ZNF839: variants seen among roughly 807,000 people sequenced by gnomAD.
ZNF839 encodes zinc finger protein 839, also known as renal carcinoma antigen NY-REN-50.
Under a neutral mutation model 56.4 loss-of-function variants are expected in ZNF839, and 38 were observed. The observed-to-expected ratio is 0.67, with a 90% CI of 0.52 to 0.88. ZNF839 has a LOEUF of 0.88. Ranked by LOEUF, ZNF839 falls within the 40% of genes least tolerant of loss-of-function variation. The pLI, the probability that ZNF839 is intolerant of heterozygous loss-of-function variation, is 0.00. For missense variants in ZNF839, 1,091 were observed against 1,177.6 expected, an observed-to-expected ratio of 0.93 and a Z score of 1.08; for synonymous variants, 486 against 493.5, an observed-to-expected ratio of 0.98 and a Z score of 0.20.
upstream of ZNF839, chr14:102,319,542 C>A: frequency 4.5e-6 from 2 of 448,044 alleles, no homozygotes; most frequent in African/African-American, 2.0e-5. This position sits in a 1 kb window ranked among gnomAD's most constrained non-coding sequence, Gnocchi z 4.5. Context: ...ACATCCGTGA[C>A]AGGCAATAAG....
Position 102,341,598 on chromosome 14 carries a change from CA to C in ZNF839, c.2204del (p.Gln735ArgfsTer7). The C allele has an allele frequency of 6.2e-7, 1 of 1,613,838 alleles. No individual in the cohort carries two copies. Among genetic ancestry groups the C allele is most frequent in the East Asian group, 2.2e-5 (1 of 44,882 alleles). On this transcript the variant is annotated frameshift_variant, in exon 8 of 8. Transcript: ENST00000442396. LOFTEE classifies it low-confidence loss of function (END_TRUNC). The stretch of plus-strand genomic sequence containing the variant: ...GAATGCTTTGGAACACTCTTCAGAC[CA>C]GGACACCTGGGACAGCCTGAGGAGC... Reference protein sequence around the residue: ...GENALEHSSDQDTWDSLRSPG... With the variant: ...GENALEHSSDXDTWDSLRSPG...
intron 7 of ZNF839, among the ~76,000 whole-genome samples, chr14:102,339,860 T>G (rs1886311314): frequency 6.6e-6 from 1 of 152,150 alleles, no homozygotes; most frequent in Admixed American, 6.5e-5. Context: ...TTGGCTTTCA[T>G]GAGACTTCGC....
intron 5 of ZNF839, among the ~76,000 whole-genome samples, 187 bp downstream of exon 5, chr14:102,336,025 A>G (rs2073999410): frequency 6.6e-6 from 1 of 152,158 alleles, no homozygotes; most frequent in Non-Finnish European, 1.5e-5. Flanking sequence ...CTAAAAATAC[A>G]AAAATTAGCT....
At chr14:102,338,762 TG>T (rs1567297027) in intron 5 of ZNF839, 53 bp from the exon 6 acceptor site, 1 of 1,608,238 alleles carries the variant, frequency 6.2e-7, no homozygotes, top group African/African-American at 1.3e-5. Context: ...AATGTGCTTC[TG>T]GGGGTGTGTG....
intron 1 of ZNF839, among the ~76,000 whole-genome samples, chr14:102,324,496 T>G (rs111731329): frequency 6.6e-6 from 1 of 151,892 alleles, no homozygotes. Context: ...TGAGCTGAGA[T>G]AGCGCCACTG....
intron 5 of ZNF839, chr14:102,336,648 G>A (rs1291868628): frequency 4.6e-6 from 2 of 435,994 alleles, no homozygotes; most frequent in South Asian, 3.4e-5. Context: ...ACTCAAAAAT[G>A]AAGATAAGCT....
At position 102,331,760 on chromosome 14, in the gene ZNF839, C is replaced by T. The variant is rs2073794779; in HGVS notation, c.1330C>T (p.Gln444Ter). Reference sequence around the variant, plus strand: ...TGCAGAGTCCCGCACAGCTGTCCTCCAGCAGAGAAGAGCTGCTCAGCTACC... The same window carrying T: ...TGCAGAGTCCCGCACAGCTGTCCTCTAGCAGAGAAGAGCTGCTCAGCTACC... ...TLAESRTAVL[Q>*]QRRAAQLPGG... Residue 444 changes from glutamine (Q) to a stop codon, truncating the protein, a stop_gained, in exon 3 of 8, where the codon CAG (glutamine) becomes TAG (stop). Transcript: ENST00000442396. LOFTEE classifies it high-confidence loss of function. The T allele has an allele frequency of 3.7e-6, 6 of 1,602,240 alleles. No individual in the cohort carries two copies. Among genetic ancestry groups the T allele is most frequent in the Non-Finnish European group, 4.3e-6 (5 of 1,174,510 alleles).
chr14:102,330,665 G>A (rs945454707), intron 2 of ZNF839, among the ~76,000 whole-genome samples: 1 of 151,294 alleles, frequency 6.6e-6, no homozygotes, highest in African/African-American at 2.4e-5. Context: ...CTTCAGGTGT[G>A]CACCATCACA....
intron 2 of ZNF839, among the ~76,000 whole-genome samples, chr14:102,329,725 GTA>G (rs60092565): frequency 0.059 from 8,578 of 145,216 alleles, 463 homozygotes; most frequent in African/African-American, 0.16. Context: ...GTGTGTGTGT[GTA>G]TGTGTGTGTG....
chr14:102,327,831 A>G (rs8010091), intron 2 of ZNF839, among the ~76,000 whole-genome samples: 16,513 of 152,114 alleles, frequency 0.11, 1,206 homozygotes, highest in African/African-American at 0.21. Context: ...ATGGGAATGC[A>G]TCCGTCAGCT....
Position 102,326,087 on chromosome 14 carries a change from A to T in ZNF839, c.391A>T (p.Ser131Cys). 1.2e-6 allele frequency: 2 copies of T among 1,613,948 alleles called. No homozygotes were observed. The highest frequency in any genetic ancestry group is 1.7e-6 in the Non-Finnish European group (2 of 1,179,854). ...AATCCAGCCCCAAACTGCAAGAAAG[A>T]GCCAGCTGCCCCGGGGGAATTCCTG... ...TTIQPQTARK[S>C]QLPRGNSCLV... The change falls in exon 2 of 8, where the codon AGC (serine) becomes TGC (cysteine). Residue 131 changes from serine to cysteine, a missense_variant. By Grantham distance (112) the Ser-to-Cys change is moderately radical. Around this residue, in one of 3 missense-constraint regions of ZNF839, gnomAD observed 614 missense variants for 629.2 expected, o/e 0.98. Coordinates refer to ENST00000442396, the MANE Select transcript of ZNF839 (RefSeq NM_018335.6). This position sits in a 1 kb window ranked among gnomAD's most constrained non-coding sequence, Gnocchi z 4.3.
In ZNF839 at chr14:102,319,926, C is replaced by T. The variant is rs1338023397; in HGVS notation, c.161C>T (p.Pro54Leu). The change falls in exon 1 of 8, where the codon CCG becomes CTG. Residue 54 changes from proline (P) to leucine (L), a missense_variant. Physicochemically the swap from Pro to Leu is moderately conservative, Grantham distance 98 (BLOSUM62 -3). Around this residue, in one of 3 missense-constraint regions of ZNF839, gnomAD observed 614 missense variants for 629.2 expected, o/e 0.98. Coordinates refer to ENST00000442396, the MANE Select transcript of ZNF839 (RefSeq NM_018335.6). The surrounding 1 kb of genome is among the most constrained non-coding windows in gnomAD (Gnocchi z 4.5). ...VLEQVTKAQPPPPPPPFVLRD... is the reference protein window; with the variant it reads ...VLEQVTKAQPLPPPPPFVLRD... ...GAGCAGGTGACGAAGGCGCAGCCGC[C>T]GCCGCCGCCGCCCCCCTTCGTGCTG... 7.4e-6 allele frequency: 9 copies of T among 1,208,472 alleles called. No individual in the cohort carries two copies. The highest frequency in any genetic ancestry group is 9.3e-6 in the Non-Finnish European group (9 of 967,270). 74.9% of individuals were successfully genotyped at this position (1,208,472 alleles called of 1,614,324 possible). A position where few individuals can be genotyped will look rare whatever the true frequency, so the allele number is the denominator to read the frequency against.
At chr14:102,336,289 T>C (rs72698587) in intron 5 of ZNF839, among the ~76,000 whole-genome samples, 2,782 of 152,182 alleles carry the variant, frequency 0.018, 51 homozygotes, top group South Asian at 0.075. Flanking sequence ...AAGTGAAAAT[T>C]TTTTTTTCTT....
chr14:102,319,693 C>A (rs1404886392), upstream of ZNF839: 3 of 1,217,928 alleles, frequency 2.5e-6, no homozygotes, highest in Non-Finnish European at 3.1e-6. This position sits in a 1 kb window ranked among gnomAD's most constrained non-coding sequence, Gnocchi z 4.5. Flanking sequence ...CGTAGCCCGC[C>A]CCTCTCCTAG....
At position 102,332,781 on chromosome 14, in the gene ZNF839, G is replaced by A. The variant is rs894621084; in HGVS notation, c.1416+935G>A. Among the ~76,000 whole-genome samples, 2 of 152,122 alleles carry A rather than the reference G, an allele frequency of 1.3e-5. No homozygotes were observed. The highest frequency in any genetic ancestry group is 4.8e-5 in the African/African-American group (2 of 41,450). ...AAAAATTAGCTGGGCATGGTGGCAG[G>A]CGCCTGTAATCCCAGCCACTTGGGA... On this transcript the variant is annotated intron_variant, in intron 3 of 7. Transcript: ENST00000442396. This position sits in a 1 kb window ranked among gnomAD's most constrained non-coding sequence, Gnocchi z 4.9.
intron 5 of ZNF839, among the ~76,000 whole-genome samples, chr14:102,336,187 A>C (rs1287415458): frequency 3.3e-5 from 5 of 151,190 alleles, no homozygotes; most frequent in Non-Finnish European, 7.4e-5. Flanking sequence ...AAAACAAAAC[A>C]AAACCAAAAA....
chr14:102,318,969 G>A (rs2072984041), upstream of ZNF839, among the ~76,000 whole-genome samples: 1 of 152,174 alleles, frequency 6.6e-6, no homozygotes, highest in African/African-American at 2.4e-5. Context: ...TGCTCTCCCT[G>A]GGGAAAGGAG....
intron 2 of ZNF839, among the ~76,000 whole-genome samples, chr14:102,328,302 C>T (rs1474974772): frequency 2.2e-5 from 3 of 134,566 alleles, no homozygotes; most frequent in Non-Finnish European, 4.6e-5. Context: ...TGCAGTGAGC[C>T]GAGATCATGC....
chr14:102,335,923 A>C (rs545716237), intron 5 of ZNF839, 85 bp downstream of exon 5: 2 of 1,490,618 alleles, frequency 1.3e-6, no homozygotes, highest in South Asian at 2.4e-5. Context: ...TTATGCTTGT[A>C]GTCCCAGTGC....
Sources: allele counts gnomAD v4.1 joint callset (sites outside exome capture counted in the v4.1 genomes callset), GRCh38; gene constraint gnomAD v4.1.1; regional missense constraint gnomAD v4.1.1; non-coding constraint Gnocchi (gnomAD v3.1); transcripts MANE v1.5; gene names NCBI Gene and HGNC (gene_info 2026-07-23, HGNC 2026-07-21).